AFG1L: variants seen among roughly 807,000 people sequenced by gnomAD.
AFG1L encodes the protein AFG1 like ATPase.
Under a neutral mutation model 62.2 loss-of-function variants are expected in AFG1L, and 53 were observed. That is an observed-to-expected ratio of 0.85 (90% CI 0.68 to 1.07). The LOEUF is 1.07. Ranked by LOEUF, AFG1L falls within the 50% of genes least tolerant of loss-of-function variation. AFG1L has a pLI of 0.00. For missense variants in AFG1L, 555 were observed against 590.5 expected (o/e 0.94, Z 0.62); for synonymous variants, 228 against 210.3 (o/e 1.08, Z -0.73).
intron 7 of AFG1L, among the ~76,000 whole-genome samples, chr6:108,407,960 CT>C (rs1239864808): frequency 6.6e-6 from 1 of 152,116 alleles, no homozygotes; most frequent in African/African-American, 2.4e-5. Flanking sequence ...TTTTTTCCCC[CT>C]GGTTGTGAGT....
At position 108,437,835 on chromosome 6, in the gene AFG1L, T is replaced by G. The variant is rs116079911; in HGVS notation, c.808-9379T>G. Among the ~76,000 whole-genome samples, 1,334 of 152,254 alleles carry G rather than the reference T, an allele frequency of 8.8e-3. 13 individuals carry two copies. The highest frequency in any genetic ancestry group is 0.03 in the African/African-American group (1,228 of 41,544). The stretch of plus-strand genomic sequence containing the variant: ...GTAAGACTAAAGAAAAATGATCCTG[T>G]GGCTACCGTTGAATAACTCAGTGTG... On this transcript the variant is annotated intron_variant, in intron 7 of 12. Transcript: ENST00000368977.
At chr6:108,333,170 G>A (rs541312089) in intron 2 of AFG1L, among the ~76,000 whole-genome samples, 1 of 152,302 alleles carries the variant, frequency 6.6e-6, no homozygotes, top group South Asian at 2.1e-4. Context: ...AGCACTTTGG[G>A]AGGCCGAGGC....
At chr6:108,516,687 A>C (rs1774908471) in intron 11 of AFG1L, among the ~76,000 whole-genome samples, 1 of 152,206 alleles carries the variant, frequency 6.6e-6, no homozygotes, top group Non-Finnish European at 1.5e-5. Flanking sequence ...AAGGGTATTC[A>C]ATTCGGAAAA....
intron 1 of AFG1L, chr6:108,319,915 G>A (rs1223387214): frequency 5.5e-6 from 1 of 182,942 alleles, no homozygotes; most frequent in African/African-American, 2.4e-5. Context: ...CCTCTGAAGT[G>A]AGGCTGTTGG....
chr6:108,394,072 T>G (rs1381615242), intron 6 of AFG1L, among the ~76,000 whole-genome samples: 5 of 147,404 alleles, frequency 3.4e-5, no homozygotes, highest in Non-Finnish European at 7.5e-5. Flanking sequence ...TTCCTTTCCT[T>G]CCTTTTCTCT....
chr6:108,323,294 C>G (rs9486855), intron 1 of AFG1L, among the ~76,000 whole-genome samples: 11,009 of 152,012 alleles, frequency 0.072, 1,371 homozygotes, highest in African/African-American at 0.25. Flanking sequence ...AGAGAGGTTA[C>G]AATTATAGTT....
At chr6:108,441,637 C>G (rs1678840619) in intron 7 of AFG1L, among the ~76,000 whole-genome samples, 1 of 150,840 alleles carries the variant, frequency 6.6e-6, no homozygotes, top group African/African-American at 2.4e-5. Context: ...CGCCTCCACC[C>G]TTCTGCAAAG....
intron 1 of AFG1L, among the ~76,000 whole-genome samples, chr6:108,313,856 C>T (rs1777498302): frequency 1.3e-5 from 2 of 151,874 alleles, no homozygotes; most frequent in African/African-American, 4.8e-5. Context: ...TATCTCTTAA[C>T]TCAACTATTT....
At chr6:108,349,643 T>G (rs1393465880) in intron 3 of AFG1L, among the ~76,000 whole-genome samples, 1 of 152,130 alleles carries the variant, frequency 6.6e-6, no homozygotes, top group East Asian at 1.9e-4. Flanking sequence ...AGGCTGGGCA[T>G]GGTGGCTCAT....
intron 7 of AFG1L, among the ~76,000 whole-genome samples, chr6:108,419,722 G>A (rs530422604): frequency 7.0e-4 from 106 of 152,030 alleles, no homozygotes; most frequent in Non-Finnish European, 1.3e-3. Context: ...TGACTGTTGT[G>A]CATCCTTTAC....
chr6:108,427,515 GA>G (rs1326509646), intron 7 of AFG1L, among the ~76,000 whole-genome samples: 3 of 140,542 alleles, frequency 2.1e-5, no homozygotes, highest in Non-Finnish European at 4.5e-5. Context: ...TCTCAAAATG[GA>G]ATTTTTTTTT....
chr6:108,454,444 CCTTTGT>C (rs1772175107), intron 8 of AFG1L, among the ~76,000 whole-genome samples: 1 of 152,168 alleles, frequency 6.6e-6, no homozygotes, highest in Admixed American at 6.5e-5. Flanking sequence ...CATTAGATCA[CCTTTGT>C]CATTCTTAGG....
chr6:108,355,490 C>G (rs1779237805), intron 3 of AFG1L, among the ~76,000 whole-genome samples, 164 bp from the exon 4 acceptor site: 1 of 152,018 alleles, frequency 6.6e-6, no homozygotes, highest in Non-Finnish European at 1.5e-5. Context: ...TTATTTTTAG[C>G]TAGTTTAACA....
At chr6:108,466,642 G>A (rs958777785) in intron 8 of AFG1L, among the ~76,000 whole-genome samples, 4 of 151,734 alleles carry the variant, frequency 2.6e-5, no homozygotes, top group African/African-American at 7.3e-5. Flanking sequence ...CTGCAAGCCA[G>A]AAAGAGAGCC....
intron 10 of AFG1L, among the ~76,000 whole-genome samples, chr6:108,478,152 T>C (rs1773189935): frequency 6.6e-6 from 1 of 152,220 alleles, no homozygotes; most frequent in Non-Finnish European, 1.5e-5. Flanking sequence ...TAAAAGCTAG[T>C]GACGGCCGGG....
At chr6:108,460,826 G>A (rs1200521267) in intron 8 of AFG1L, among the ~76,000 whole-genome samples, 2 of 152,126 alleles carry the variant, frequency 1.3e-5, no homozygotes, top group African/African-American at 2.4e-5. Context: ...GCATGGTGGC[G>A]GGTGCTTGTA....
At chr6:108,349,253 G>T (rs1778982303) in intron 3 of AFG1L, among the ~76,000 whole-genome samples, 2 of 152,098 alleles carry the variant, frequency 1.3e-5, no homozygotes, top group African/African-American at 2.4e-5. Context: ...GTAGGCCGAG[G>T]CGAGTGGATT....
chr6:108,472,286 A>C (rs534442212), intron 8 of AFG1L, among the ~76,000 whole-genome samples: 1 of 152,160 alleles, frequency 6.6e-6, no homozygotes, highest in Non-Finnish European at 1.5e-5. Context: ...AAGGATGACT[A>C]AGTCTAAAGA....
In AFG1L at chr6:108,434,680, C is replaced by T. The variant is rs76562064; in HGVS notation, c.808-12534C>T. ...CCTCCCTTCCTAAATCTTTACATTA[C>T]TTCCATTTTATGGACTTAGGATATT... On this transcript the variant is annotated intron_variant, in intron 7 of 12. Transcript: ENST00000368977. 6.6e-3 allele frequency among the ~76,000 whole-genome samples: 1,005 copies of T among 152,290 alleles called. 16 individuals carry two copies. The highest frequency in any genetic ancestry group is 0.044 in the South Asian group (210 of 4,826).
Sources: allele counts gnomAD v4.1 joint callset (sites outside exome capture counted in the v4.1 genomes callset), GRCh38; gene constraint gnomAD v4.1.1; transcripts MANE v1.5; gene names NCBI Gene and HGNC (gene_info 2026-07-23, HGNC 2026-07-21).